NRCAM: variants seen among roughly 807,000 people sequenced by gnomAD.
NRCAM encodes neuronal cell adhesion molecule.
Under a neutral mutation model 156.5 loss-of-function variants are expected in NRCAM, and 83 were observed. That is an observed-to-expected ratio of 0.53 (90% CI 0.44 to 0.64). The LOEUF (loss-of-function observed/expected upper bound fraction) is 0.64. Among genes scored for constraint, NRCAM ranks in the 30% least tolerant of loss-of-function variants. The probability of loss-of-function intolerance (pLI) is 0.00; values close to 1 mark genes in which losing one functional copy is unlikely to be tolerated. For synonymous variants in NRCAM, 538 were observed against 563.9 expected (o/e 0.95, Z 0.65); for missense variants, 1,417 against 1,597.3 (o/e 0.89, Z 1.92).
chr7:108,289,067 C>T (rs1370999648), intron 3 of NRCAM, among the ~76,000 whole-genome samples: 2 of 152,032 alleles, frequency 1.3e-5, no homozygotes, highest in East Asian at 3.9e-4. Context: ...GGAGCGATCA[C>T]AGGATACAAC....
At chr7:108,317,792 C>T (rs2098946054) in intron 2 of NRCAM, among the ~76,000 whole-genome samples, 1 of 151,492 alleles carries the variant, frequency 6.6e-6, no homozygotes, top group Admixed American at 6.6e-5. Context: ...ACCTGTAATC[C>T]CAGCTCCTAG....
At chr7:108,391,900 G>GC (rs533936168) in intron 2 of NRCAM, among the ~76,000 whole-genome samples, 1,872 of 152,190 alleles carry the variant, frequency 0.012, 48 homozygotes, top group African/African-American at 0.042. Flanking sequence ...TTGAATATTG[G>GC]CCCCACTCTC....
At chr7:108,394,948 A>T (rs1373580554) in intron 2 of NRCAM, among the ~76,000 whole-genome samples, 1 of 152,242 alleles carries the variant, frequency 6.6e-6, no homozygotes, top group Non-Finnish European at 1.5e-5. Flanking sequence ...AATAAGAACA[A>T]TAAACATGTT....
intron 7 of NRCAM, 93 bp downstream of exon 7, chr7:108,232,233 C>T: frequency 1.1e-6 from 1 of 921,464 alleles, no homozygotes; most frequent in Non-Finnish European, 1.6e-6. Context: ...AATGCCACTG[C>T]TTTGTTGAAT....
At chr7:108,356,240 C>G (rs1174351271) in intron 2 of NRCAM, among the ~76,000 whole-genome samples, 1 of 152,186 alleles carries the variant, frequency 6.6e-6, no homozygotes, top group Non-Finnish European at 1.5e-5. Flanking sequence ...AGCCACTGTG[C>G]CCAGCCACAA....
intron 1 of NRCAM, among the ~76,000 whole-genome samples, chr7:108,434,032 A>C (rs567840552): frequency 6.6e-6 from 1 of 152,316 alleles, no homozygotes; most frequent in African/African-American, 2.4e-5. Flanking sequence ...AACGGGACAA[A>C]ACTGTCAAAA....
intron 2 of NRCAM, among the ~76,000 whole-genome samples, chr7:108,384,996 T>C (rs2099735494): frequency 6.6e-6 from 1 of 152,176 alleles, no homozygotes; most frequent in Non-Finnish European, 1.5e-5. Context: ...CACCATCATG[T>C]AAAATAAGAT....
At chr7:108,210,106 AT>A (rs1299077698) in intron 11 of NRCAM, among the ~76,000 whole-genome samples, 4 of 151,504 alleles carry the variant, frequency 2.6e-5, no homozygotes, top group African/African-American at 9.8e-5. Flanking sequence ...ACAGCAGTCT[AT>A]CTGATGATGT....
At chr7:108,399,230 A>G (rs772823651) in intron 2 of NRCAM, among the ~76,000 whole-genome samples, 7 of 152,128 alleles carry the variant, frequency 4.6e-5, no homozygotes, top group Non-Finnish European at 7.4e-5. Flanking sequence ...TCCAACTTCA[A>G]ATAAAGTTCC....
At chr7:108,342,612 C>T (rs1342174322) in intron 2 of NRCAM, among the ~76,000 whole-genome samples, 1 of 152,202 alleles carries the variant, frequency 6.6e-6, no homozygotes, top group African/African-American at 2.4e-5. Context: ...CGGGGCAAGA[C>T]TTTCCTTTAT....
intron 11 of NRCAM, among the ~76,000 whole-genome samples, chr7:108,214,340 C>T (rs1269623): frequency 0.49 from 73,895 of 151,876 alleles, 18,452 homozygotes; most frequent in East Asian, 0.81. Flanking sequence ...TGAATGTGTC[C>T]AGGAATTTAT....
chr7:108,254,034 T>C (rs1053781435), intron 3 of NRCAM, among the ~76,000 whole-genome samples: 3 of 152,214 alleles, frequency 2.0e-5, no homozygotes, highest in Non-Finnish European at 4.4e-5. Flanking sequence ...TAAAAGTCAA[T>C]AGTTTTTCAA....
chr7:108,220,349 C>A (rs987027879), intron 11 of NRCAM, among the ~76,000 whole-genome samples: 3 of 152,078 alleles, frequency 2.0e-5, no homozygotes, highest in African/African-American at 7.2e-5. Context: ...AAAAAACATT[C>A]TAAAATTCAT....
intron 1 of NRCAM, among the ~76,000 whole-genome samples, chr7:108,417,198 T>C (rs868740684): frequency 1.6e-4 from 24 of 152,224 alleles, no homozygotes; most frequent in African/African-American, 5.5e-4. Flanking sequence ...CCTATTTTAA[T>C]TGCTATGGAG....
At chr7:108,202,444 A>G (rs1432273659) in intron 13 of NRCAM, among the ~76,000 whole-genome samples, 2 of 152,250 alleles carry the variant, frequency 1.3e-5, no homozygotes, top group East Asian at 1.9e-4. Context: ...GAGATGAGAG[A>G]CTACAAATGG....
At position 108,148,580 on chromosome 7, in the gene NRCAM, C is replaced by T. The variant is rs1288431071; in HGVS notation, c.*1330G>A. 1 of 152,578 alleles carries T rather than the reference C, an allele frequency of 6.6e-6. No homozygotes were observed. Among genetic ancestry groups the T allele is most frequent in the Admixed American group, 6.5e-5 (1 of 15,272 alleles). The allele number at this position is 152,578 out of a possible 1,614,324, so 9.5% of individuals were successfully genotyped here. A position where few individuals can be genotyped will look rare whatever the true frequency, so the allele number is the denominator to read the frequency against. On this transcript the variant is annotated 3_prime_UTR_variant, in exon 33 of 33. Coordinates refer to ENST00000379028, the MANE Select transcript of NRCAM (RefSeq NM_001037132.4). ...TTACTTTTTAAACTGCAGATGTAAT[C>T]CCTTGGACCGTTGGCCTTTTAAGCA...
chr7:108,418,228 G>T (rs1447218405), intron 1 of NRCAM, among the ~76,000 whole-genome samples: 1 of 152,104 alleles, frequency 6.6e-6, no homozygotes, highest in Non-Finnish European at 1.5e-5. Flanking sequence ...TTGCTGACTT[G>T]TATTTCTGGA....
intron 1 of NRCAM, among the ~76,000 whole-genome samples, chr7:108,416,429 C>G (rs1801647795): frequency 2.0e-5 from 3 of 152,146 alleles, no homozygotes; most frequent in Non-Finnish European, 4.4e-5. Flanking sequence ...GCAAAGGAAC[C>G]TGCTTTGTCA....
At chr7:108,408,396 T>C (rs1175313164) in intron 1 of NRCAM, among the ~76,000 whole-genome samples, 1 of 152,242 alleles carries the variant, frequency 6.6e-6, no homozygotes, top group Non-Finnish European at 1.5e-5. Flanking sequence ...TTGGTGGTCA[T>C]GGATTCTCTA....
Sources: allele counts gnomAD v4.1 joint callset (sites outside exome capture counted in the v4.1 genomes callset), GRCh38; gene constraint gnomAD v4.1.1; transcripts MANE v1.5; gene names NCBI Gene and HGNC (gene_info 2026-07-23, HGNC 2026-07-21).